PFKFB1: variants seen among roughly 807,000 people sequenced by gnomAD.
The protein encoded by PFKFB1 is 6-phosphofructo-2-kinase/fructose-2,6-bisphosphatase 1.
PFKFB1 carries 34 observed loss-of-function variants against 46.4 expected under a neutral mutation model. That is an observed-to-expected ratio of 0.73 (90% CI 0.56 to 0.98). PFKFB1 has a LOEUF of 0.98. Among genes scored for constraint, PFKFB1 ranks in the 50% least tolerant of loss-of-function variants. The pLI is 0.00. For synonymous variants in PFKFB1, 119 were observed against 133.8 expected, an observed-to-expected ratio of 0.89 and a Z score of 0.76; for missense variants, 393 against 376.3, an observed-to-expected ratio of 1.04 and a Z score of -0.37.
intron 1 of PFKFB1, among the ~76,000 whole-genome samples, chrX:54,985,811 A>G (rs1331789588): frequency 3.6e-5 from 4 of 110,096 alleles, no homozygotes; most frequent in African/African-American, 1.3e-4. Context: ...TCTCATTGAA[A>G]TTAAATTAGT....
chrX:54,968,270 A>G (rs1934533443), intron 1 of PFKFB1, among the ~76,000 whole-genome samples: 1 of 74,207 alleles, frequency 1.3e-5, no homozygotes, highest in Non-Finnish European at 2.5e-5. Context: ...AAATTGAACA[A>G]TGAGAACACA....
Position 54,955,208 on chromosome X carries a change from A to G in PFKFB1, c.638+945T>C, listed in dbSNP as rs1425333867. ...ACTGACTCATTCATTGTGTAGCCCA[A>G]GGTAAGACTTTGACTTGATCTGGGT... is the stretch of plus-strand genomic sequence containing the variant. On this transcript the variant is annotated intron_variant, in intron 7 of 13. Transcript: ENST00000375006. Among the ~76,000 whole-genome samples the G allele has an allele frequency of 2.7e-5, 3 of 111,605 alleles. No homozygotes were observed. The East Asian group carries it at 8.5e-4, about 32-fold the overall frequency.
chrX:54,960,207 T>A (rs942701471), intron 3 of PFKFB1, among the ~76,000 whole-genome samples: 1 of 112,665 alleles, frequency 8.9e-6, no homozygotes, highest in Non-Finnish European at 1.9e-5. Flanking sequence ...GAACTCAAGC[T>A]GAACTGTTTT....
At chrX:54,956,368 C>T in intron 6 of PFKFB1, 94 bp from the exon 7 acceptor site, 2 of 1,028,234 alleles carry the variant, frequency 1.9e-6, no homozygotes, top group Non-Finnish European at 2.7e-6. Context: ...GTACAAGATG[C>T]CTCATTATAA....
chrX:54,937,557 AC>A, intron 11 of PFKFB1, 37 bp downstream of exon 11: 1 of 1,172,416 alleles, frequency 8.5e-7, no homozygotes, highest in Non-Finnish European at 1.2e-6. Context: ...TGTCTCAAAT[AC>A]CATCAAACAT....
chrX:54,994,430 C>T (rs1462626213), upstream of PFKFB1: 1 of 752,026 alleles, frequency 1.3e-6, no homozygotes, highest in Non-Finnish European at 1.6e-6. Flanking sequence ...TGCTTACAGC[C>T]TGTGTGGGGT....
At chrX:54,946,350 G>A (rs1364449443) in intron 9 of PFKFB1, among the ~76,000 whole-genome samples, 1 of 111,912 alleles carries the variant, frequency 8.9e-6, no homozygotes, top group Non-Finnish European at 1.9e-5. Flanking sequence ...GAGCTTATGA[G>A]AGATTCCAAG....
At chrX:54,952,575 C>T (rs192633419) in intron 7 of PFKFB1, among the ~76,000 whole-genome samples, 18 of 107,069 alleles carry the variant, frequency 1.7e-4, no homozygotes, top group Admixed American at 3.0e-4. Flanking sequence ...GCCTCTGCTA[C>T]ATATTGTCTT....
chrX:54,984,829 C>G (rs1253735866), intron 1 of PFKFB1, among the ~76,000 whole-genome samples: 2 of 111,125 alleles, frequency 1.8e-5, no homozygotes, highest in African/African-American at 3.3e-5. Flanking sequence ...AGGATCCCTT[C>G]CTCCTCCCAG....
chrX:54,975,679 G>A (rs755970426), intron 1 of PFKFB1, among the ~76,000 whole-genome samples: 1 of 111,307 alleles, frequency 9.0e-6, no homozygotes, highest in Non-Finnish European at 1.9e-5. Context: ...TTTACTACAT[G>A]ATTTTGAGAC....
intron 10 of PFKFB1, among the ~76,000 whole-genome samples, chrX:54,940,751 C>G (rs1426559348): frequency 4.5e-5 from 5 of 111,423 alleles, no homozygotes; most frequent in Non-Finnish European, 9.4e-5. Context: ...AGGATACAAA[C>G]AAATGGAAGA....
At chrX:54,973,142 T>G (rs1416637937) in intron 1 of PFKFB1, among the ~76,000 whole-genome samples, 3 of 111,899 alleles carry the variant, frequency 2.7e-5, no homozygotes, top group Admixed American at 9.5e-5. Flanking sequence ...GTGTTCGTAG[T>G]ATTCTCTGAC....
chrX:54,956,092 C>T, intron 7 of PFKFB1, 61 bp downstream of exon 7: 3 of 789,319 alleles, frequency 3.8e-6, no homozygotes, highest in Middle Eastern at 2.8e-4. Context: ...ACTCTAGGTT[C>T]TACAGGATAT....
intron 10 of PFKFB1, among the ~76,000 whole-genome samples, chrX:54,942,898 C>T (rs961240966): frequency 1.3e-4 from 14 of 111,042 alleles, no homozygotes; most frequent in Admixed American, 1.3e-3. Context: ...ATATTGGATA[C>T]TACTTAAATA....
chrX:54,986,496 G>A (rs746092660), intron 1 of PFKFB1, among the ~76,000 whole-genome samples: 1 of 111,506 alleles, frequency 9.0e-6, no homozygotes, highest in Non-Finnish European at 1.9e-5. Flanking sequence ...TATATCACAA[G>A]TATAAACGTA....
rs1344525399 is a variant in PFKFB1, at chrX:54,956,584, A to C, written c.517-310T>G. ...TTGTGATATGAGAAATGGCTGAAGAAGAGGAACTAGAGATCTTGGCCAGGG... is the reference window on the plus strand; with the variant it reads ...TTGTGATATGAGAAATGGCTGAAGACGAGGAACTAGAGATCTTGGCCAGGG... On this transcript the variant is annotated intron_variant, in intron 6 of 13. Coordinates refer to ENST00000375006, the MANE Select transcript of PFKFB1 (RefSeq NM_002625.4). Among the ~76,000 whole-genome samples the C allele has an allele frequency of 3.6e-5, 4 of 111,752 alleles. No individual in the cohort carries two copies. In the Admixed American group the frequency reaches 3.8e-4, roughly 11 times the overall value.
chrX:54,993,355 G>A (rs1038171686), intron 1 of PFKFB1, among the ~76,000 whole-genome samples: 1 of 112,132 alleles, frequency 8.9e-6, no homozygotes, highest in African/African-American at 3.2e-5. Context: ...ACTGGAGACA[G>A]GACATTAAGT....
At chrX:54,940,681 C>A (rs1206524576) in intron 10 of PFKFB1, among the ~76,000 whole-genome samples, 2 of 111,188 alleles carry the variant, frequency 1.8e-5, no homozygotes, top group Non-Finnish European at 3.8e-5. Context: ...ATCCAACTTA[C>A]AAGGGATGTG....
At chrX:54,940,223 G>C (rs1357970699) in intron 10 of PFKFB1, among the ~76,000 whole-genome samples, 1 of 111,558 alleles carries the variant, frequency 9.0e-6, no homozygotes. Flanking sequence ...AATAAATTAG[G>C]TATTGATGGG....
Sources: gnomAD v4.1 joint callset for allele counts (sites outside exome capture counted in the v4.1 genomes callset) on GRCh38, gnomAD v4.1.1 for gene constraint, MANE v1.5 for transcripts, NCBI Gene and HGNC (gene_info 2026-07-23, HGNC 2026-07-21) for gene names.